The following PDZD2 variants were observed in gnomAD, a reference collection of about 807,000 sequenced individuals.
PDZD2 encodes PDZ domain containing 2, also known as PDZ domain-containing protein 2.
Under a neutral mutation model 220.7 loss-of-function variants are expected in PDZD2, and 90 were observed. That is an observed-to-expected ratio of 0.41 (90% CI 0.34 to 0.49). PDZD2 has a LOEUF of 0.49. Among genes scored for constraint, PDZD2 ranks in the 20% least tolerant of loss-of-function variants. The pLI, the probability that PDZD2 is intolerant of heterozygous loss-of-function variation, is 0.28. For synonymous variants in PDZD2, 1,375 were observed against 1,450.5 expected (o/e 0.95, Z 1.18); for missense variants, 3,174 against 3,608.5 (o/e 0.88, Z 3.08).
chr5:31,653,064 C>T (rs544548091), intron 1 of PDZD2, among the ~76,000 whole-genome samples: 1 of 152,214 alleles, frequency 6.6e-6, no homozygotes, highest in African/African-American at 2.4e-5. Context: ...TCCTGAACCT[C>T]ACTTTTGCTG....
rs895285047 is a variant in PDZD2, at chr5:32,017,446, A to G, written c.1407+6964A>G. Among the ~76,000 whole-genome samples, 374 of 152,234 alleles carry G rather than the reference A, an allele frequency of 2.5e-3. 2 individuals carry two copies. Among genetic ancestry groups the G allele is most frequent in the African/African-American group, 8.6e-3 (357 of 41,544 alleles). ...CAGAGCCAGACCCTGTCTCAAAAAA[A>G]AAAAAAAAATTAGAAAAAAATAGTT... On this transcript the variant is annotated intron_variant, in intron 6 of 24. Transcript: ENST00000438447.
chr5:31,866,690 G>T (rs780349680), intron 2 of PDZD2, among the ~76,000 whole-genome samples: 6 of 152,204 alleles, frequency 3.9e-5, no homozygotes, highest in Admixed American at 6.5e-5. Flanking sequence ...TGTTTCTGTT[G>T]CTGTGTTCTT....
chr5:31,784,886 G>A (rs992731460), intron 1 of PDZD2, among the ~76,000 whole-genome samples: 7 of 151,856 alleles, frequency 4.6e-5, no homozygotes, highest in African/African-American at 1.5e-4. Flanking sequence ...CAGCTTGGGC[G>A]ACACAGCGAG....
chr5:31,772,677 T>G (rs1260773923), intron 1 of PDZD2, among the ~76,000 whole-genome samples: 2 of 152,232 alleles, frequency 1.3e-5, no homozygotes, highest in Non-Finnish European at 2.9e-5. Context: ...AATGGATAAA[T>G]TTTAAATTTC....
chr5:31,803,101 ATTTTT>A (rs35101679), intron 2 of PDZD2, among the ~76,000 whole-genome samples: 10 of 140,618 alleles, frequency 7.1e-5, no homozygotes, highest in South Asian at 6.7e-4. Flanking sequence ...ATTTTATTTT[ATTTTT>A]TTTTTTTGCA....
At chr5:31,857,181 C>A (rs908185043) in intron 2 of PDZD2, among the ~76,000 whole-genome samples, 5 of 152,086 alleles carry the variant, frequency 3.3e-5, no homozygotes, top group Non-Finnish European at 7.4e-5. Context: ...CCAGAGACAA[C>A]CATTTTCAAC....
chr5:32,003,859 C>A (rs1209754834), intron 5 of PDZD2, among the ~76,000 whole-genome samples: 1 of 152,044 alleles, frequency 6.6e-6, no homozygotes, highest in African/African-American at 2.4e-5. Context: ...TTACAGGTGC[C>A]CACCACCACG....
chr5:31,814,651 C>T (rs923512947), intron 2 of PDZD2, among the ~76,000 whole-genome samples: 4 of 151,622 alleles, frequency 2.6e-5, no homozygotes, highest in Non-Finnish European at 1.5e-5. Flanking sequence ...GGTGAAACCT[C>T]GTCTCTACTA....
intron 1 of PDZD2, among the ~76,000 whole-genome samples, chr5:31,663,193 T>C (rs557299914): frequency 4.9e-4 from 75 of 152,346 alleles, no homozygotes; most frequent in Admixed American, 1.3e-3. Context: ...GTTCCATTAA[T>C]AGTAAAAGAC....
intron 1 of PDZD2, among the ~76,000 whole-genome samples, chr5:31,690,783 CT>C (rs1350946551): frequency 4.6e-5 from 7 of 152,204 alleles, no homozygotes; most frequent in African/African-American, 1.7e-4. Flanking sequence ...TTTGCAAAAA[CT>C]TTTTCCAAAT....
At chr5:31,930,521 A>G (rs1321446987) in intron 2 of PDZD2, among the ~76,000 whole-genome samples, 1 of 152,256 alleles carries the variant, frequency 6.6e-6, no homozygotes, top group Non-Finnish European at 1.5e-5. Context: ...ATAGTGACAC[A>G]AAAGCCTGAA....
At chr5:31,845,416 C>A (rs1757530867) in intron 2 of PDZD2, among the ~76,000 whole-genome samples, 1 of 152,228 alleles carries the variant, frequency 6.6e-6, no homozygotes. Context: ...ACCAAAGGAA[C>A]TTCAGAGCTA....
chr5:31,752,073 G>GTTTTTTTTTTTTTTTT (rs3032803), intron 1 of PDZD2, among the ~76,000 whole-genome samples: 39 of 95,060 alleles, frequency 4.1e-4, no homozygotes, highest in African/African-American at 1.5e-3. Flanking sequence ...TTTTGGGTTT[G>GTTTTTTTTTTTTTTTT]TTTTTTTTTT....
intron 1 of PDZD2, among the ~76,000 whole-genome samples, chr5:31,656,303 C>T (rs555859839): frequency 7.4e-4 from 112 of 152,330 alleles, no homozygotes; most frequent in Non-Finnish European, 1.5e-3. Context: ...AAGCCTTCCC[C>T]GCCTTCCCTG....
At chr5:31,648,615 C>T (rs1455601121) in intron 1 of PDZD2, among the ~76,000 whole-genome samples, 1 of 152,154 alleles carries the variant, frequency 6.6e-6, no homozygotes, top group African/African-American at 2.4e-5. Flanking sequence ...CACCTGAGGA[C>T]ACCCTTGACC....
chr5:31,656,180 G>T lies in PDZD2; in HGVS notation c.-361+16743G>T, dbSNP rs143377780. Reference sequence around the variant, plus strand: ...AATTATAAACTTCATTTGCTCAAATGGGCTATGCGCATGTATTCCATACTC... The same window carrying T: ...AATTATAAACTTCATTTGCTCAAATTGGCTATGCGCATGTATTCCATACTC... On this transcript the variant is annotated intron_variant, in intron 1 of 24. Coordinates refer to ENST00000438447, the MANE Select transcript of PDZD2 (RefSeq NM_178140.4). 4.1e-4 allele frequency among the ~76,000 whole-genome samples: 63 copies of T among 152,258 alleles called. 1 individual carries two copies. In the East Asian group the frequency reaches 0.012, roughly 29 times the overall value.
At chr5:31,831,971 G>C (rs1046797388) in intron 2 of PDZD2, among the ~76,000 whole-genome samples, 1 of 150,480 alleles carries the variant, frequency 6.6e-6, no homozygotes, top group Non-Finnish European at 1.5e-5. Flanking sequence ...TAAATGGAGT[G>C]AAAATTTTGG....
chr5:31,954,571 C>T (rs1397831498), intron 2 of PDZD2, among the ~76,000 whole-genome samples: 1 of 152,086 alleles, frequency 6.6e-6, no homozygotes, highest in Admixed American at 6.6e-5. Flanking sequence ...CACGAGGTTA[C>T]AAAAGTACCA....
intron 5 of PDZD2, among the ~76,000 whole-genome samples, chr5:32,007,318 A>G (rs1752909135): frequency 6.6e-6 from 1 of 151,408 alleles, no homozygotes. Flanking sequence ...CAGCCCCAGC[A>G]CCATCTTTAA....
Sources: allele counts gnomAD v4.1 joint callset (sites outside exome capture counted in the v4.1 genomes callset), GRCh38; gene constraint gnomAD v4.1.1; transcripts MANE v1.5; gene names NCBI Gene and HGNC (gene_info 2026-07-23, HGNC 2026-07-21).